Variants in ACSF3 observed in about 807,000 individuals in gnomAD.
ACSF3 encodes malonate--CoA ligase ACSF3, mitochondrial.
In ACSF3, 78 loss-of-function variants were observed where a neutral mutation model predicts 53.2. The observed-to-expected ratio is 1.47, with a 90% CI of 1.22 to 1.77. ACSF3 has a LOEUF of 1.77. ACSF3 is among the 40% of genes most tolerant of loss of function. The probability of loss-of-function intolerance (pLI) is 0.00; values close to 1 mark genes in which losing one functional copy is unlikely to be tolerated. For synonymous variants in ACSF3, 414 were observed against 333.1 expected (o/e 1.24, Z -2.65); for missense variants, 937 against 771.1 (o/e 1.22, Z -2.55).
At chr16:89,139,662 G>A (rs183939176) in intron 8 of ACSF3, among the ~76,000 whole-genome samples, 2 of 144,440 alleles carry the variant, frequency 1.4e-5, no homozygotes, top group Non-Finnish European at 3.0e-5. Context: ...GCGCCATCTC[G>A]GCTCAGTGCA....
intron 1 of ACSF3, among the ~76,000 whole-genome samples, chr16:89,095,011 G>GC (rs1974444823): frequency 6.6e-6 from 1 of 152,252 alleles, no homozygotes; most frequent in Non-Finnish European, 1.5e-5. Context: ...TGTGTCTGGG[G>GC]CATAGTTGTT....
chr16:89,124,025 T>A (rs1394099711), intron 7 of ACSF3, among the ~76,000 whole-genome samples: 7 of 151,020 alleles, frequency 4.6e-5, no homozygotes, highest in Non-Finnish European at 8.9e-5. Context: ...ACGCACGCAG[T>A]GTGCACACTG....
rs1340367223 is a variant in ACSF3 at position 89,155,815 on chromosome 16, A to G, written c.*1608A>G. ...ATCCTGAAACTTTTGATTCCTAAAA[A>G]GCTTACATAATCATTTGCTTTATCC... On this transcript the variant is annotated 3_prime_UTR_variant, in exon 11 of 11. Coordinates refer to ENST00000614302, the MANE Select transcript of ACSF3 (RefSeq NM_001243279.3). The G allele has an allele frequency of 1.1e-5, 5 of 453,300 alleles. No homozygotes were observed. The highest frequency in any genetic ancestry group is 1.4e-4 in the East Asian group (2 of 14,406). 28.1% of individuals were successfully genotyped at this position (453,300 alleles called of 1,614,324 possible).
intron 4 of ACSF3, among the ~76,000 whole-genome samples, chr16:89,108,696 A>G (rs760157685): frequency 2.6e-5 from 4 of 152,150 alleles, no homozygotes; most frequent in Non-Finnish European, 5.9e-5. Flanking sequence ...AGTTTCATCC[A>G]TGTTCTACTG....
intron 4 of ACSF3, among the ~76,000 whole-genome samples, chr16:89,110,845 GGGTGCTGCTCCGC>G (rs1300985769): frequency 1.3e-5 from 2 of 152,138 alleles, no homozygotes; most frequent in Non-Finnish European, 2.9e-5. Context: ...GCAGTGTTGT[GGGTGCTGCTCCGC>G]GGTGCTGCTG....
At chr16:89,102,502 GT>G in intron 3 of ACSF3, 101 bp from the exon 4 acceptor site, 1 of 1,384,234 alleles carries the variant, frequency 7.2e-7, no homozygotes, top group South Asian at 1.2e-5. Flanking sequence ...CCCTTCCTCA[GT>G]GGGGAGGCCC....
intron 8 of ACSF3, among the ~76,000 whole-genome samples, chr16:89,133,856 G>C (rs909987642): frequency 2.6e-5 from 4 of 152,208 alleles, no homozygotes; most frequent in Admixed American, 2.0e-4. Context: ...ACCTGATTGA[G>C]GTGGCCCAGG....
Position 89,100,620 on chromosome 16 carries a change from G to A in ACSF3, c.-20-42G>A, listed in dbSNP as rs1227486767. 1.9e-6 allele frequency: 3 copies of A among 1,549,066 alleles called. No individual in the cohort carries two copies. The South Asian group carries it at 3.4e-5, about 18-fold the overall frequency. ...ATCCTGTCTTGGCCACGTTTGGATG[G>A]GACAGTTGGGCACTCACGTCCTGTG... On this transcript the variant is annotated intron_variant, in intron 2 of 10. Coordinates refer to ENST00000614302, the MANE Select transcript of ACSF3 (RefSeq NM_001243279.3).
rs1170504367 is a variant in ACSF3, at chr16:89,122,258, T to A, written c.1239+1345T>A. 4 of 251,732 alleles carry A rather than the reference T, an allele frequency of 1.6e-5. No individual in the cohort carries two copies. In the Middle Eastern group the frequency reaches 1.4e-3, roughly 89 times the overall value. 15.6% of individuals were successfully genotyped at this position (251,732 alleles called of 1,614,324 possible). A position where few individuals can be genotyped will look rare whatever the true frequency, so the allele number is the denominator to read the frequency against. ...GCCGCACAGTGTGTCCCGCCTGGCC[T>A]GGGCCCCCCGCAGTGGGCTGTTATC... On this transcript the variant is annotated intron_variant, in intron 7 of 10. Transcript: ENST00000614302.
intron 4 of ACSF3, among the ~76,000 whole-genome samples, chr16:89,106,721 T>C (rs1233173384): frequency 6.6e-6 from 1 of 152,256 alleles, no homozygotes; most frequent in Non-Finnish European, 1.5e-5. Flanking sequence ...GTCAGCGTTA[T>C]TGAACTTTGG....
Position 89,136,631 on chromosome 16 carries a change from C to T in ACSF3, c.1366+3369C>T, listed in dbSNP as rs749339311. The T allele has an allele frequency of 1.7e-5, 22 of 1,287,076 alleles. 1 individual carries two copies. Among genetic ancestry groups the T allele is most frequent in the East Asian group, 5.6e-5 (1 of 18,012 alleles). 79.7% of individuals were successfully genotyped at this position (1,287,076 alleles called of 1,614,324 possible). A position where few individuals can be genotyped will look rare whatever the true frequency, so the allele number is the denominator to read the frequency against. On this transcript the variant is annotated intron_variant, in intron 8 of 10. Coordinates refer to ENST00000614302, the MANE Select transcript of ACSF3 (RefSeq NM_001243279.3). Reference sequence around the variant, plus strand: ...ATGGCTGGACACAGCTGAGGATGGCCGAGGCCGGCCTGCAGCTCCCCAACG... The same window carrying T: ...ATGGCTGGACACAGCTGAGGATGGCTGAGGCCGGCCTGCAGCTCCCCAACG...
chr16:89,099,831 T>C lies in ACSF3; in HGVS notation c.-20-831T>C, dbSNP rs566632295. Among the ~76,000 whole-genome samples, 121 of 138,758 alleles carry C rather than the reference T, an allele frequency of 8.7e-4. 1 individual carries two copies. The highest frequency in any genetic ancestry group is 3.1e-3 in the African/African-American group (116 of 36,836). 91.0% of individuals were successfully genotyped at this position (138,758 alleles called of 152,430 possible). On this transcript the variant is annotated intron_variant, in intron 2 of 10. Coordinates refer to ENST00000614302, the MANE Select transcript of ACSF3 (RefSeq NM_001243279.3). The stretch of plus-strand genomic sequence containing the variant: ...CGGGTGAGACTCCATCCCAGATAGA[T>C]AATAAAGAGAGAGAGAGAAAGGAAA...
At chr16:89,146,630 C>T (rs1009100334) in intron 10 of ACSF3, among the ~76,000 whole-genome samples, 3 of 152,228 alleles carry the variant, frequency 2.0e-5, no homozygotes, top group Non-Finnish European at 4.4e-5. Flanking sequence ...ATCACCATCC[C>T]CTCAGTCATT....
At chr16:89,128,114 T>TTCTA (rs1343319988) in intron 7 of ACSF3, among the ~76,000 whole-genome samples, 1 of 151,878 alleles carries the variant, frequency 6.6e-6, no homozygotes, top group Non-Finnish European at 1.5e-5. Context: ...TTTTCTCTTT[T>TTCTA]TCTAGTTGCT....
chr16:89,147,140 G>T, intron 10 of ACSF3, among the ~76,000 whole-genome samples: 1 of 148,794 alleles, frequency 6.7e-6, no homozygotes, highest in Non-Finnish European at 1.5e-5. Flanking sequence ...GAGGAGGGAG[G>T]AGCCACAGAG....
rs749371364 is a variant in ACSF3, at chr16:89,101,047, A to G, written c.366A>G (p.Ala122=). 1.6e-5 allele frequency: 26 copies of G among 1,613,900 alleles called. No homozygotes were observed. The highest frequency in any genetic ancestry group is 2.1e-5 in the Non-Finnish European group (25 of 1,179,972). Residue 122 remains alanine, a synonymous_variant, in exon 3 of 11, where the codon GCA becomes GCG. Coordinates refer to ENST00000614302, the MANE Select transcript of ACSF3 (RefSeq NM_001243279.3). ...QWASWMSGGV[A]VPLYRKHPAA... ...CGTCATGGATGAGTGGCGGTGTGGC[A>G]GTCCCCCTCTACAGGAAGCATCCCG...
intron 8 of ACSF3, among the ~76,000 whole-genome samples, chr16:89,142,540 C>T (rs923606299): frequency 8.9e-6 from 1 of 112,082 alleles, no homozygotes; most frequent in Admixed American, 8.8e-5. Flanking sequence ...CAGACACACC[C>T]ACACCTGCAG....
intron 4 of ACSF3, among the ~76,000 whole-genome samples, chr16:89,111,798 CCT>C (rs940075284): frequency 1.3e-5 from 2 of 152,232 alleles, no homozygotes; most frequent in Admixed American, 1.3e-4. Flanking sequence ...GTACATCCGC[CCT>C]CTCTGTGTAG....
chr16:89,119,334 G>A (rs779153379), intron 6 of ACSF3, among the ~76,000 whole-genome samples: 70 of 152,326 alleles, frequency 4.6e-4, no homozygotes, highest in Non-Finnish European at 5.7e-4. Flanking sequence ...GCGAAAGGCC[G>A]CCTGTGATGG....
Sources: allele counts gnomAD v4.1 joint callset (sites outside exome capture counted in the v4.1 genomes callset), GRCh38; gene constraint gnomAD v4.1.1; transcripts MANE v1.5; gene names NCBI Gene and HGNC (gene_info 2026-07-23, HGNC 2026-07-21).